Variants in CACNB3 observed in about 807,000 individuals in gnomAD.
CACNB3 encodes voltage-dependent L-type calcium channel subunit beta-3.
In CACNB3, 36 loss-of-function variants were observed where a neutral mutation model predicts 63.7. The observed-to-expected ratio is 0.57, with a 90% confidence interval of 0.43 to 0.75. CACNB3 has a LOEUF of 0.75. Ranked by LOEUF, CACNB3 falls within the 30% of genes least tolerant of loss-of-function variation. CACNB3 has a pLI of 0.00. For synonymous variants in CACNB3, 241 were observed against 250.6 expected (o/e 0.96, Z 0.36); for missense variants, 493 against 648.6 (o/e 0.76, Z 2.61).
chr12:48,826,519 G>A lies in CACNB3; in HGVS notation c.894+1G>A. On this transcript the variant is annotated splice_donor_variant, in intron 10 of 12. Coordinates refer to ENST00000301050, the MANE Select transcript of CACNB3 (RefSeq NM_000725.4). LOFTEE classifies it high-confidence loss of function. The surrounding 1 kb of genome is among the most constrained non-coding windows in gnomAD (Gnocchi z 4.8). ...CTTTGTCAAAGTGTCCTCACCAAAG[G>A]TAAGTCAGCTGGGCTCATGGAGGAG... 1.2e-6 allele frequency: 2 copies of A among 1,613,862 alleles called. No individual in the cohort carries two copies. Among genetic ancestry groups the A allele is most frequent in the Non-Finnish European group, 1.7e-6 (2 of 1,179,888 alleles).
At chr12:48,815,228 G>C (rs1459214689), upstream of CACNB3, 1 of 189,704 alleles carries the variant, frequency 5.3e-6, no homozygotes, top group East Asian at 1.4e-4. Context: ...TCAGGAGCTG[G>C]GGCAGCCCTG....
Position 48,824,246 on chromosome 12 carries a change from ACCTG to A in CACNB3, c.292-9_292-6del. ...TTCTCTCACCACCCCTTCCTGCTCC[ACCTG>A]CCCCCAGAAGTACAGCAATGACTGG... is the stretch of plus-strand genomic sequence containing the variant. On this transcript the variant is annotated splice_polypyrimidine_tract_variant and splice_region_variant and intron_variant, in intron 3 of 12. Transcript: ENST00000301050. The A allele has an allele frequency of 6.2e-7, 1 of 1,605,516 alleles. No homozygotes were observed. Among genetic ancestry groups the A allele is most frequent in the South Asian group, 1.1e-5 (1 of 89,518 alleles).
chr12:48,827,072 A>G lies in CACNB3; in HGVS notation c.1089A>G (p.Pro363=). 6.2e-7 allele frequency: 1 copy of G among 1,613,368 alleles called. No individual in the cohort carries two copies. Among genetic ancestry groups the G allele is most frequent in the Non-Finnish European group, 8.5e-7 (1 of 1,180,016 alleles). The change falls in exon 12 of 13, where the codon CCA becomes CCG. Residue 363 remains proline, a synonymous_variant. Coordinates refer to ENST00000301050, the MANE Select transcript of CACNB3 (RefSeq NM_000725.4). ...TTTACTGGCGGGCCACGCACCACCCAGCCCCTGGCCCCGGACTTCTGGGTC... is the reference window on the plus strand; with the variant it reads ...TTTACTGGCGGGCCACGCACCACCCGGCCCCTGGCCCCGGACTTCTGGGTC... The part of the protein sequence containing the change: ...LEVYWRATHH[P]APGPGLLGPP...
rs140353966 is a variant in CACNB3, at chr12:48,826,890, C to T, written c.990+36C>T. ...GGGTCAGCTGCTCCTGTGCCCACTCCCCCAGGGCTGCGGCAGTGATAGAGA... is the reference window on the plus strand; with the variant it reads ...GGGTCAGCTGCTCCTGTGCCCACTCTCCCAGGGCTGCGGCAGTGATAGAGA... On this transcript the variant is annotated intron_variant, in intron 11 of 12. Transcript: ENST00000301050. This position sits in a 1 kb window ranked among gnomAD's most constrained non-coding sequence, Gnocchi z 4.8. 438 of 1,611,840 alleles carry T rather than the reference C, an allele frequency of 2.7e-4. 1 individual carries two copies. The African/African-American group carries it at 5.5e-3, about 20-fold the overall frequency.
Position 48,819,112 on chromosome 12 carries a change from G to A in CACNB3, c.45+138G>A, listed in dbSNP as rs1592182487. The A allele has an allele frequency of 4.4e-6, 4 of 903,698 alleles. No homozygotes were observed. The African/African-American group carries it at 5.1e-5, about 12-fold the overall frequency. The allele number at this position is 903,698 out of a possible 1,614,324, so 56.0% of individuals were successfully genotyped here. On this transcript the variant is annotated intron_variant, in intron 1 of 12. Coordinates refer to ENST00000301050, the MANE Select transcript of CACNB3 (RefSeq NM_000725.4). The stretch of plus-strand genomic sequence containing the variant: ...TTGTAGGGGGGCGCTCTAAGAACGT[G>A]GGGAGATGGATTTTCATGCCAAGCG...
At chr12:48,815,951 G>A (rs1244546386), upstream of CACNB3, among the ~76,000 whole-genome samples, 1 of 152,118 alleles carries the variant, frequency 6.6e-6, no homozygotes, top group African/African-American at 2.4e-5. Flanking sequence ...TGGATGAGAG[G>A]AGAGGACTGA....
Position 48,818,615 on chromosome 12 carries a change from C to T in CACNB3, c.-315C>T. ...TCCCCGGTGGCCGCCGCCCCCTCGC[C>T]GCCCCCGCCTTCTCCCGGGGAGGGG... On this transcript the variant is annotated 5_prime_UTR_variant, in exon 1 of 13. Coordinates refer to ENST00000301050, the MANE Select transcript of CACNB3 (RefSeq NM_000725.4). The surrounding 1 kb of genome is among the most constrained non-coding windows in gnomAD (Gnocchi z 4.3). 3 of 1,107,940 alleles carry T rather than the reference C, an allele frequency of 2.7e-6. No homozygotes were observed. The highest frequency in any genetic ancestry group is 3.4e-5 in the South Asian group (1 of 29,426). The allele number at this position is 1,107,940 out of a possible 1,614,324, so 68.6% of individuals were successfully genotyped here.
chr12:48,815,181 G>A (rs890438124), upstream of CACNB3: 14 of 167,632 alleles, frequency 8.4e-5, no homozygotes, highest in Non-Finnish European at 1.5e-4. Context: ...GGCGCACGGA[G>A]CAGGGCCGGG....
At chr12:48,817,922 C>T (rs1286974338), upstream of CACNB3, 1 of 152,300 alleles carries the variant, frequency 6.6e-6, no homozygotes, top group Non-Finnish European at 1.5e-5. Context: ...GAAGGGAACC[C>T]CCATCCTGGC....
chr12:48,818,706 G>A lies in CACNB3; in HGVS notation c.-224G>A, dbSNP rs1937658920. The A allele has an allele frequency of 8.1e-7, 1 of 1,233,424 alleles. No homozygotes were observed. Among genetic ancestry groups the A allele is most frequent in the African/African-American group, 1.7e-5 (1 of 58,474 alleles). The allele number at this position is 1,233,424 out of a possible 1,614,324, so 76.4% of individuals were successfully genotyped here. ...GATTCCTCAGCCGCGCTCGGGGTGGGACCGGCTGGGTTTGGGGGGGTGGGG... is the reference window on the plus strand; with the variant it reads ...GATTCCTCAGCCGCGCTCGGGGTGGAACCGGCTGGGTTTGGGGGGGTGGGG... On this transcript the variant is annotated 5_prime_UTR_variant, in exon 1 of 13. Transcript: ENST00000301050. The surrounding 1 kb of genome is among the most constrained non-coding windows in gnomAD (Gnocchi z 4.3).
At position 48,823,661 on chromosome 12, in the gene CACNB3, C is replaced by G. The variant is rs1053532414; in HGVS notation, c.169-20C>G. On this transcript the variant is annotated intron_variant, in intron 2 of 12. Transcript: ENST00000301050. The surrounding 1 kb of genome is among the most constrained non-coding windows in gnomAD (Gnocchi z 4.2). ...TGCTTCGAGCCTTCTCTCACTTGCA[C>G]TAATGGGCAAATTCTCCAGCACAAA... 2 of 1,614,090 alleles carry G rather than the reference C, an allele frequency of 1.2e-6. No homozygotes were observed. Among genetic ancestry groups the G allele is most frequent in the Non-Finnish European group, 1.7e-6 (2 of 1,179,996 alleles).
At chr12:48,827,186 C>T in intron 12 of CACNB3, 63 bp downstream of exon 12, 21 of 1,574,034 alleles carry the variant, frequency 1.3e-5, no homozygotes, top group Non-Finnish European at 1.7e-5. Flanking sequence ...CCCCTCCCTG[C>T]CCAGAGGACT....
Position 48,818,612 on chromosome 12 carries a change from C to T in CACNB3, c.-318C>T, listed in dbSNP as rs1937653130. ...GGCTCCCCGGTGGCCGCCGCCCCCT[C>T]GCCGCCCCCGCCTTCTCCCGGGGAG... On this transcript the variant is annotated 5_prime_UTR_variant, in exon 1 of 13. Transcript: ENST00000301050. The surrounding 1 kb of genome is among the most constrained non-coding windows in gnomAD (Gnocchi z 4.3). 11 of 1,103,248 alleles carry T rather than the reference C, an allele frequency of 1.0e-5. No individual in the cohort carries two copies. The highest frequency in any genetic ancestry group is 3.3e-5 in the African/African-American group (2 of 59,904). The allele number at this position is 1,103,248 out of a possible 1,614,324, so 68.3% of individuals were successfully genotyped here. A position where few individuals can be genotyped will look rare whatever the true frequency, so the allele number is the denominator to read the frequency against.
upstream of CACNB3, chr12:48,815,663 G>C (rs1415517027): frequency 2.6e-6 from 4 of 1,534,312 alleles, no homozygotes; most frequent in East Asian, 2.4e-5. Flanking sequence ...CCCGGGGGAG[G>C]GGGAGAGGCC....
upstream of CACNB3, chr12:48,815,621 G>GC: frequency 6.5e-7 from 1 of 1,534,168 alleles, no homozygotes; most frequent in Non-Finnish European, 8.7e-7. Flanking sequence ...CAGAGCAGCG[G>GC]CCGGGTTTTG....
At position 48,823,015 on chromosome 12, in the gene CACNB3, A is replaced by G. The variant is rs1173609286; in HGVS notation, c.46-329A>G. 2.6e-5 allele frequency among the ~76,000 whole-genome samples: 4 copies of G among 152,146 alleles called. No individual in the cohort carries two copies. The highest frequency in any genetic ancestry group is 5.9e-5 in the Non-Finnish European group (4 of 68,020). On this transcript the variant is annotated intron_variant, in intron 1 of 12. Coordinates refer to ENST00000301050, the MANE Select transcript of CACNB3 (RefSeq NM_000725.4). The surrounding 1 kb of genome is among the most constrained non-coding windows in gnomAD (Gnocchi z 4.2). ...TCATCTCTAATACATCATCTTCAGC[A>G]CACCTCCCTTCCCTCGGCTCAGAGG... is the stretch of plus-strand genomic sequence containing the variant.
intron 1 of CACNB3, chr12:48,820,928 C>CTGG (rs1937817295): frequency 2.0e-5 from 3 of 152,212 alleles, no homozygotes; most frequent in Admixed American, 2.0e-4. Flanking sequence ...TGCCTCACAC[C>CTGG]TGTAATCCCA....
chr12:48,826,613 C>T lies in CACNB3; in HGVS notation c.894+95C>T. ...GTCCCTGCCTGGGGCACCTGAGTTCCCTTTTCCTGCTGCCCTTAACACAAC... is the reference window on the plus strand; with the variant it reads ...GTCCCTGCCTGGGGCACCTGAGTTCTCTTTTCCTGCTGCCCTTAACACAAC... On this transcript the variant is annotated intron_variant, in intron 10 of 12. Coordinates refer to ENST00000301050, the MANE Select transcript of CACNB3 (RefSeq NM_000725.4). The surrounding 1 kb of genome is among the most constrained non-coding windows in gnomAD (Gnocchi z 4.8). 1 of 1,513,588 alleles carries T rather than the reference C, an allele frequency of 6.6e-7. No individual in the cohort carries two copies. The highest frequency in any genetic ancestry group is 1.1e-5 in the South Asian group (1 of 87,606). The allele number at this position is 1,513,588 out of a possible 1,614,324, so 93.8% of individuals were successfully genotyped here.
rs560661926 is a variant in CACNB3, at chr12:48,818,719, TG to T, written c.-204del. On this transcript the variant is annotated 5_prime_UTR_variant, in exon 1 of 13. Transcript: ENST00000301050. The surrounding 1 kb of genome is among the most constrained non-coding windows in gnomAD (Gnocchi z 4.3). Reference sequence around the variant, plus strand: ...CGCTCGGGGTGGGACCGGCTGGGTTTGGGGGGGTGGGGTGGGGGGAGCGGTG... The same window carrying T: ...CGCTCGGGGTGGGACCGGCTGGGTTTGGGGGGTGGGGTGGGGGGAGCGGTG... 50 of 285,764 alleles carry T rather than the reference TG, an allele frequency of 1.7e-4. No individual in the cohort carries two copies. Among genetic ancestry groups the T allele is most frequent in the African/African-American group, 1.4e-3 (11 of 7,748 alleles). The allele number at this position is 285,764 out of a possible 1,614,324, so 17.7% of individuals were successfully genotyped here.
Sources: gnomAD v4.1 joint callset for allele counts (sites outside exome capture counted in the v4.1 genomes callset) on GRCh38, gnomAD v4.1.1 for gene constraint, Gnocchi (gnomAD v3.1) non-coding constraint, MANE v1.5 for transcripts, NCBI Gene and HGNC (gene_info 2026-07-23, HGNC 2026-07-21) for gene names.